AKAP12: variants seen among roughly 807,000 people sequenced by gnomAD.
The protein encoded by AKAP12 is A-kinase anchor protein 12.
In AKAP12, 32 loss-of-function variants were observed where a neutral mutation model predicts 79.9. The ratio of observed to expected loss-of-function variants is 0.40; its 90% confidence interval spans 0.30 to 0.54. The LOEUF is 0.54. Ranked by LOEUF, AKAP12 falls within the 20% of genes least tolerant of loss-of-function variation. The pLI is 0.48. For missense variants in AKAP12, 2,074 were observed against 2,177.0 expected, an observed-to-expected ratio of 0.95 and a Z score of 0.94; for synonymous variants, 808 against 857.0, an observed-to-expected ratio of 0.94 and a Z score of 1.00.
chr6:151,241,064 G>A (rs1021445130), intron 2 of AKAP12, among the ~76,000 whole-genome samples: 9 of 152,328 alleles, frequency 5.9e-5, no homozygotes, highest in African/African-American at 2.2e-4. Context: ...CCGAGGCGGA[G>A]GAGCTGCGCG....
chr6:151,265,994 G>T (rs1165525661), intron 2 of AKAP12, among the ~76,000 whole-genome samples: 1 of 152,216 alleles, frequency 6.6e-6, no homozygotes, highest in Non-Finnish European at 1.5e-5. Context: ...CTGGACTGAT[G>T]ATGGTGATTC....
intron 2 of AKAP12, 38 bp downstream of exon 2, chr6:151,240,762 G>C (rs1796955361): frequency 3.6e-6 from 4 of 1,113,252 alleles, no homozygotes; most frequent in Middle Eastern, 3.7e-4. Context: ...GGGAGGCGCG[G>C]GTCTTTGGGG....
At chr6:151,345,645 ACAT>A (rs977926770) in intron 3 of AKAP12, among the ~76,000 whole-genome samples, 1 of 151,230 alleles carries the variant, frequency 6.6e-6, no homozygotes, top group Non-Finnish European at 1.5e-5. Context: ...AAAAATACAA[ACAT>A]CAGCCAGGTG....
chr6:151,242,482 A>T (rs183848349), intron 2 of AKAP12, among the ~76,000 whole-genome samples: 1 of 152,268 alleles, frequency 6.6e-6, no homozygotes, highest in African/African-American at 2.4e-5. Context: ...ATGCCCAGTT[A>T]TCAATTTGGA....
chr6:151,272,793 A>G (rs921799225), intron 2 of AKAP12, among the ~76,000 whole-genome samples: 2 of 152,210 alleles, frequency 1.3e-5, no homozygotes, highest in Non-Finnish European at 2.9e-5. Context: ...TGGCCTCCCA[A>G]AGTGCTGGGA....
chr6:151,350,982 A>T lies in AKAP12; in HGVS notation c.2591A>T (p.Gln864Leu), dbSNP rs1310408272. The T allele has an allele frequency of 1.2e-6, 2 of 1,613,940 alleles. No individual in the cohort carries two copies. Among genetic ancestry groups the T allele is most frequent in the African/African-American group, 2.7e-5 (2 of 74,880 alleles). The change falls in exon 4 of 5, where the codon CAA becomes CTA. Residue 864 changes from glutamine to leucine, a missense_variant. Around this residue, in one of 3 missense-constraint regions of AKAP12, gnomAD observed 1,428 missense variants for 1,451.0 expected, o/e 0.98. Coordinates refer to ENST00000402676, the MANE Select transcript of AKAP12 (RefSeq NM_005100.4). This position sits in a 1 kb window ranked among gnomAD's most constrained non-coding sequence, Gnocchi z 4.8. ...AVEREKMEAQ[Q>L]AQKSAEQPEQ... ...GAAAGGGAGAAAATGGAGGCACAGC[A>T]AGCCCAAAAAAGCGCAGAGCAGCCC...
rs1484896385 is a variant in AKAP12 at position 151,355,736 on chromosome 6, T to C, written c.*22T>C. 1.3e-5 allele frequency: 2 copies of C among 152,642 alleles called. No individual in the cohort carries two copies. The highest frequency in any genetic ancestry group is 4.1e-4 in the South Asian group (2 of 4,836). The allele number at this position is 152,642 out of a possible 1,614,324, so 9.5% of individuals were successfully genotyped here. A position where few individuals can be genotyped will look rare whatever the true frequency, so the allele number is the denominator to read the frequency against. ...CTTCCTCCTCCTACAGTTAAACTCA[T>C]TGTCTGTTTGGAAGACCAGAATGTG... On this transcript the variant is annotated 3_prime_UTR_variant, in exon 5 of 5. Coordinates refer to ENST00000402676, the MANE Select transcript of AKAP12 (RefSeq NM_005100.4).
intron 3 of AKAP12, chr6:151,324,100 A>G (rs1777464446): frequency 3.0e-6 from 3 of 985,444 alleles, no homozygotes; most frequent in South Asian, 9.4e-5. Context: ...GGTCAGTACC[A>G]GCAGCATTTC....
chr6:151,270,165 T>C (rs895578367), intron 2 of AKAP12, among the ~76,000 whole-genome samples: 1 of 152,198 alleles, frequency 6.6e-6, no homozygotes, highest in Non-Finnish European at 1.5e-5. Flanking sequence ...CAAGTGATTC[T>C]CCTGCCTCAG....
chr6:151,312,273 C>G (rs1363844594), intron 3 of AKAP12, among the ~76,000 whole-genome samples: 8 of 148,924 alleles, frequency 5.4e-5, no homozygotes, highest in African/African-American at 2.0e-4. Context: ...GAGTTCGAGA[C>G]CAATCTGGGA....
intron 2 of AKAP12, among the ~76,000 whole-genome samples, chr6:151,263,127 C>G (rs1412960458): frequency 6.6e-6 from 1 of 152,180 alleles, no homozygotes; most frequent in Non-Finnish European, 1.5e-5. Context: ...CCTCAATCTC[C>G]TGATCTCAAG....
At chr6:151,311,860 G>A (rs1002863219) in intron 3 of AKAP12, among the ~76,000 whole-genome samples, 1 of 152,100 alleles carries the variant, frequency 6.6e-6, no homozygotes, top group Non-Finnish European at 1.5e-5. Context: ...GTTAAAAGTC[G>A]TTCTTCTTTG....
intron 2 of AKAP12, among the ~76,000 whole-genome samples, chr6:151,256,656 T>G (rs1413602976): frequency 6.6e-6 from 1 of 151,954 alleles, no homozygotes; most frequent in Non-Finnish European, 1.5e-5. Context: ...ATTTTATTTT[T>G]TATTTCTTTT....
In AKAP12 at chr6:151,299,457, A is replaced by T. The variant is rs1437767376; in HGVS notation, c.163-6290A>T. 2.6e-5 allele frequency among the ~76,000 whole-genome samples: 4 copies of T among 152,316 alleles called. No individual in the cohort carries two copies. The East Asian group carries it at 7.7e-4, about 29-fold the overall frequency. On this transcript the variant is annotated intron_variant, in intron 2 of 4. Coordinates refer to ENST00000402676, the MANE Select transcript of AKAP12 (RefSeq NM_005100.4). ...CAACAACAATGCCATAGAGGTAACC[A>T]TTATTAAAGATTTGGTACATATTGT...
At chr6:151,334,766 C>T (rs925179731) in intron 3 of AKAP12, among the ~76,000 whole-genome samples, 2 of 151,568 alleles carry the variant, frequency 1.3e-5, no homozygotes, top group African/African-American at 4.8e-5. Flanking sequence ...GGACTACAGG[C>T]GCCCGCCACC....
chr6:151,251,730 C>T (rs776000966), intron 2 of AKAP12, among the ~76,000 whole-genome samples: 6 of 152,204 alleles, frequency 3.9e-5, no homozygotes, highest in Admixed American at 6.5e-5. Flanking sequence ...GGCACAGTGG[C>T]GCACGCCTGT....
intron 2 of AKAP12, among the ~76,000 whole-genome samples, chr6:151,285,384 C>CTGTGTG (rs10680283): frequency 0.074 from 10,083 of 136,396 alleles, 374 homozygotes; most frequent in Non-Finnish European, 0.077. Flanking sequence ...CTGCATTTCA[C>CTGTGTG]TGTGTGTGTG....
At chr6:151,310,544 G>A (rs1777071723) in intron 3 of AKAP12, among the ~76,000 whole-genome samples, 6 of 152,110 alleles carry the variant, frequency 3.9e-5, no homozygotes, top group Admixed American at 3.9e-4. Flanking sequence ...ATCAGCCAAC[G>A]TGGCGAAACC....
At chr6:151,309,277 G>T (rs539506289) in intron 3 of AKAP12, among the ~76,000 whole-genome samples, 76 of 152,332 alleles carry the variant, frequency 5.0e-4, no homozygotes, top group African/African-American at 1.8e-3. Flanking sequence ...ACACTGACCT[G>T]TAGGATTTGG....
Sources: gnomAD v4.1 joint callset for allele counts (sites outside exome capture counted in the v4.1 genomes callset) on GRCh38, gnomAD v4.1.1 for gene constraint, gnomAD v4.1.1 regional missense constraint, Gnocchi (gnomAD v3.1) non-coding constraint, MANE v1.5 for transcripts, NCBI Gene and HGNC (gene_info 2026-07-23, HGNC 2026-07-21) for gene names.